Variants in NIPBL observed in about 807,000 individuals in gnomAD.
NIPBL encodes nipped-B-like protein.
In NIPBL, 19 loss-of-function variants were observed where a neutral mutation model predicts 321.8. That is an observed-to-expected ratio of 0.06 (90% CI 0.04 to 0.09). The LOEUF (loss-of-function observed/expected upper bound fraction) is 0.09. NIPBL is among the 10% of genes least tolerant of loss of function. The probability of loss-of-function intolerance (pLI) is 1.00; values close to 1 mark genes in which losing one functional copy is unlikely to be tolerated. For missense variants in NIPBL, 2,210 were observed against 3,327.0 expected (o/e 0.66, Z 8.26); for synonymous variants, 1,106 against 1,114.1 (o/e 0.99, Z 0.14).
intron 1 of NIPBL, among the ~76,000 whole-genome samples, chr5:36,936,700 C>A (rs754315670): frequency 1.3e-5 from 2 of 152,080 alleles, no homozygotes; most frequent in Non-Finnish European, 2.9e-5. Flanking sequence ...TGACTACTTT[C>A]AAGTTTATCT....
chr5:36,971,579 T>C (rs1742859049), intron 7 of NIPBL, among the ~76,000 whole-genome samples: 1 of 152,136 alleles, frequency 6.6e-6, no homozygotes, highest in Non-Finnish European at 1.5e-5. Context: ...ATTGATTTGA[T>C]TGTAATTTAT....
chr5:36,945,429 A>G (rs1178284240), intron 1 of NIPBL, among the ~76,000 whole-genome samples: 8 of 152,178 alleles, frequency 5.3e-5, no homozygotes. Flanking sequence ...TGCTTTTGAG[A>G]AACCCTAAAT....
rs751545774 is a variant in NIPBL, at chr5:37,020,515, A to G, written c.5067A>G (p.Glu1689=). 1.2e-6 allele frequency: 2 copies of G among 1,614,074 alleles called. No homozygotes were observed. The highest frequency in any genetic ancestry group is 3.3e-5 in the Admixed American group (2 of 60,024). The change falls in exon 26 of 47, where the codon GAA becomes GAG. Residue 1689 remains glutamate (E), a synonymous_variant. Coordinates refer to ENST00000282516, the MANE Select transcript of NIPBL (RefSeq NM_133433.4). ...QWFRDTTLET[E]KAMKSQKDEE... is the part of the protein sequence containing the mutation. ...TTCGAGACACAACTCTGGAAACAGAAAAAGCAATGAAATCACAAAAAGATG... is the reference window on the plus strand; with the variant it reads ...TTCGAGACACAACTCTGGAAACAGAGAAAGCAATGAAATCACAAAAAGATG...
rs192618307 is a variant in NIPBL, at chr5:37,029,732, T to A, written c.5862+2320T>A. ...CAGTTCTCATTATTGTCACTTTTTT[T>A]AAAACTTTAGCCATTTTGGTGTGGT... On this transcript the variant is annotated intron_variant, in intron 32 of 46. Transcript: ENST00000282516. 7.5e-4 allele frequency among the ~76,000 whole-genome samples: 114 copies of A among 152,362 alleles called. 1 individual carries two copies. Among genetic ancestry groups the A allele is most frequent in the African/African-American group, 2.0e-3 (83 of 41,586 alleles).
chr5:37,009,776 T>C (rs1289241764), intron 20 of NIPBL, among the ~76,000 whole-genome samples: 1 of 152,240 alleles, frequency 6.6e-6, no homozygotes, highest in Non-Finnish European at 1.5e-5. Flanking sequence ...AAGACTTTTA[T>C]CATTTTCAAA....
intron 1 of NIPBL, among the ~76,000 whole-genome samples, chr5:36,917,657 G>A (rs1335293012): frequency 6.6e-6 from 1 of 152,118 alleles, no homozygotes; most frequent in Non-Finnish European, 1.5e-5. Flanking sequence ...ATGGTTTTAG[G>A]TCTAACATTT....
At chr5:36,927,510 G>A (rs1038642534) in intron 1 of NIPBL, among the ~76,000 whole-genome samples, 2 of 152,098 alleles carry the variant, frequency 1.3e-5, no homozygotes, top group African/African-American at 4.8e-5. Context: ...AAGGGAGCAT[G>A]GTGGCTTGGA....
At chr5:36,960,370 AG>A (rs1741476596) in intron 4 of NIPBL, among the ~76,000 whole-genome samples, 1 of 151,432 alleles carries the variant, frequency 6.6e-6, no homozygotes, top group African/African-American at 2.4e-5. Context: ...CAAAAGAAAA[AG>A]AAAAAAAAAA....
chr5:36,883,275 ATTTCC>A (rs1192281518), intron 1 of NIPBL, among the ~76,000 whole-genome samples: 2 of 151,902 alleles, frequency 1.3e-5, no homozygotes, highest in Admixed American at 1.3e-4. Context: ...GCATATACCA[ATTTCC>A]TTTGAGTTCT....
At chr5:37,010,825 T>C (rs1245359478) in intron 21 of NIPBL, among the ~76,000 whole-genome samples, 1 of 152,218 alleles carries the variant, frequency 6.6e-6, no homozygotes, top group Non-Finnish European at 1.5e-5. Context: ...CAGTGAGATA[T>C]TAAATGTGAA....
intron 1 of NIPBL, among the ~76,000 whole-genome samples, chr5:36,931,126 G>A (rs1020163011): frequency 6.6e-6 from 1 of 151,978 alleles, no homozygotes; most frequent in Non-Finnish European, 1.5e-5. Flanking sequence ...TGGTGAGATC[G>A]TCTGTGCCTA....
chr5:37,045,456 A>G lies in NIPBL; in HGVS notation c.6357A>G (p.Lys2119=). Residue 2119 remains lysine, a synonymous_variant, in exon 37 of 47, where the codon AAA becomes AAG. Coordinates refer to ENST00000282516, the MANE Select transcript of NIPBL (RefSeq NM_133433.4). ...TATCTTTATTAGGTGCCATTTCAAAATTAAAAAGTCAACACCAAGAGGACC... is the reference window on the plus strand; with the variant it reads ...TATCTTTATTAGGTGCCATTTCAAAGTTAAAAAGTCAACACCAAGAGGACC... ...CFNRYYGAIS[K]LKSQHQEDPN... The G allele has an allele frequency of 6.2e-7, 1 of 1,611,882 alleles. No individual in the cohort carries two copies. Among genetic ancestry groups the G allele is most frequent in the Non-Finnish European group, 8.5e-7 (1 of 1,178,330 alleles).
In NIPBL at chr5:37,020,564, C is replaced by G. The variant is rs575973361; in HGVS notation, c.5116C>G (p.His1706Asp). Reference protein sequence around the residue: ...KDEESSEGTHHAKEIETTGQI... With the variant: ...KDEESSEGTHDAKEIETTGQI... Reference sequence around the variant, plus strand: ...TGAAGAATCATCTGAAGGAACACATCATGCAAAGGAAATTGAGACAACTGG... The same window carrying G: ...TGAAGAATCATCTGAAGGAACACATGATGCAAAGGAAATTGAGACAACTGG... The change falls in exon 26 of 47, where the codon CAT becomes GAT. Residue 1706 changes from histidine (H) to aspartate (D), a missense_variant. Physicochemically the swap from His to Asp is moderately conservative, Grantham distance 81. Coordinates refer to ENST00000282516, the MANE Select transcript of NIPBL (RefSeq NM_133433.4). 1 of 1,613,858 alleles carries G rather than the reference C, an allele frequency of 6.2e-7. No homozygotes were observed. Among genetic ancestry groups the G allele is most frequent in the East Asian group, 2.2e-5 (1 of 44,852 alleles).
intron 3 of NIPBL, among the ~76,000 whole-genome samples, chr5:36,957,902 G>C (rs1347054593): frequency 4.0e-5 from 6 of 151,472 alleles, no homozygotes; most frequent in Admixed American, 4.0e-4. Flanking sequence ...AGAATCACTT[G>C]AACCTGGGAG....
intron 28 of NIPBL, 33 bp downstream of exon 28, chr5:37,022,182 T>C: frequency 6.2e-7 from 1 of 1,613,330 alleles, no homozygotes; most frequent in Middle Eastern, 1.6e-4. Flanking sequence ...TCTTTTCTAC[T>C]CGAATTGGAA....
intron 42 of NIPBL, among the ~76,000 whole-genome samples, chr5:37,056,055 G>A (rs1754056126): frequency 6.6e-6 from 1 of 152,104 alleles, no homozygotes. Context: ...AAAGGAAAGA[G>A]AAATACAGGG....
At position 36,953,611 on chromosome 5, in the gene NIPBL, G is replaced by A; in HGVS notation, c.-79-7G>A. 1.0e-6 allele frequency: 1 copy of A among 992,630 alleles called. No individual in the cohort carries two copies. Among genetic ancestry groups the A allele is most frequent in the East Asian group, 2.4e-5 (1 of 42,016 alleles). The allele number at this position is 992,630 out of a possible 1,614,324, so 61.5% of individuals were successfully genotyped here. ...CTACAAATAATTGTCTGTTTTGTGT[G>A]TTGCAGTGTTTGGGAAATGGGAAGT... is the stretch of plus-strand genomic sequence containing the variant. On this transcript the variant is annotated splice_polypyrimidine_tract_variant and splice_region_variant and intron_variant, in intron 1 of 46. Coordinates refer to ENST00000282516, the MANE Select transcript of NIPBL (RefSeq NM_133433.4).
chr5:37,025,327 A>C (rs1750135830), intron 30 of NIPBL, among the ~76,000 whole-genome samples: 1 of 152,210 alleles, frequency 6.6e-6, no homozygotes, highest in African/African-American at 2.4e-5. Context: ...AAGGTTTCTC[A>C]TGGGATTATT....
At chr5:37,038,973 G>C (rs952006264) in intron 34 of NIPBL, among the ~76,000 whole-genome samples, 1 of 152,092 alleles carries the variant, frequency 6.6e-6, no homozygotes, top group African/African-American at 2.4e-5. Context: ...CTTACTAAAT[G>C]TTATAGCTAT....
Sources: gnomAD v4.1 joint callset for allele counts (sites outside exome capture counted in the v4.1 genomes callset) on GRCh38, gnomAD v4.1.1 for gene constraint, MANE v1.5 for transcripts, NCBI Gene and HGNC (gene_info 2026-07-23, HGNC 2026-07-21) for gene names.